Variants in AGPAT3 observed in about 807,000 individuals in gnomAD.
AGPAT3 encodes 1-acylglycerol-3-phosphate O-acyltransferase 3, also known as 1-acyl-sn-glycerol-3-phosphate acyltransferase gamma.
In AGPAT3, 5 loss-of-function variants were observed where a neutral mutation model predicts 47.3. The observed-to-expected ratio is 0.11, with a 90% CI of 0.06 to 0.22. AGPAT3 has a LOEUF of 0.22. AGPAT3 is among the 10% of genes least tolerant of loss of function. AGPAT3 has a pLI of 1.00. For missense variants in AGPAT3, 315 were observed against 493.0 expected (o/e 0.64, Z 3.42); for synonymous variants, 212 against 208.3 (o/e 1.02, Z -0.15).
intron 2 of AGPAT3, among the ~76,000 whole-genome samples, chr21:43,927,618 C>T (rs1321141203): frequency 6.6e-6 from 1 of 152,228 alleles, no homozygotes; most frequent in African/African-American, 2.4e-5. Context: ...ACCTCCTTTC[C>T]AGTGAAGATG....
chr21:43,930,672 G>A lies in AGPAT3; in HGVS notation c.-49+26653G>A, dbSNP rs921986155. Among the ~76,000 whole-genome samples, 6 of 152,142 alleles carry A rather than the reference G, an allele frequency of 3.9e-5. No homozygotes were observed. Among genetic ancestry groups the A allele is most frequent in the East Asian group, 1.9e-4 (1 of 5,182 alleles). On this transcript the variant is annotated intron_variant, in intron 2 of 9. Coordinates refer to ENST00000291572, the MANE Select transcript of AGPAT3 (RefSeq NM_020132.5). The surrounding 1 kb of genome is among the most constrained non-coding windows in gnomAD (Gnocchi z 5.0). ...GGGATGAGGGGAAGGCGGGGATGAG[G>A]TGGGGGTGCACACCTGGGCTGAGGG...
At chr21:43,949,130 C>G (rs2088055121) in intron 2 of AGPAT3, among the ~76,000 whole-genome samples, 2 of 152,016 alleles carry the variant, frequency 1.3e-5, no homozygotes, top group African/African-American at 4.8e-5. Context: ...ATCAGTATGT[C>G]TAGTTCTGGG....
intron 2 of AGPAT3, among the ~76,000 whole-genome samples, chr21:43,918,480 AG>A (rs760357572): frequency 3.9e-5 from 6 of 152,080 alleles, no homozygotes; most frequent in Non-Finnish European, 8.8e-5. Flanking sequence ...AATGGAGACA[AG>A]AGAAGAGAAG....
intron 1 of AGPAT3, among the ~76,000 whole-genome samples, chr21:43,882,327 C>T (rs1222322272): frequency 6.6e-6 from 1 of 152,260 alleles, no homozygotes. Flanking sequence ...AAATAGGTTT[C>T]GTAGATTGCA....
intron 3 of AGPAT3, 47 bp downstream of exon 3, chr21:43,959,906 G>A (rs1373558686): frequency 1.9e-6 from 3 of 1,544,696 alleles, no homozygotes; most frequent in African/African-American, 2.7e-5. Context: ...CTCCCGTGGG[G>A]GTGGCGCGCG....
At chr21:43,950,442 A>G (rs1197458358) in intron 2 of AGPAT3, among the ~76,000 whole-genome samples, 1 of 152,232 alleles carries the variant, frequency 6.6e-6, no homozygotes, top group East Asian at 1.9e-4. Context: ...CCAAGAACTG[A>G]AATTTGCCCT....
At chr21:43,877,576 G>A (rs915382535) in intron 1 of AGPAT3, among the ~76,000 whole-genome samples, 10 of 152,080 alleles carry the variant, frequency 6.6e-5, no homozygotes, top group African/African-American at 1.2e-4. Context: ...CTGAGTAGCC[G>A]GGATTACAGG....
intron 2 of AGPAT3, among the ~76,000 whole-genome samples, chr21:43,945,020 C>G (rs1216310857): frequency 2.0e-5 from 3 of 152,244 alleles, no homozygotes; most frequent in Non-Finnish European, 2.9e-5. Context: ...CGGACCCTTT[C>G]TCAGAAGCCC....
At chr21:43,949,194 T>A (rs1193533577) in intron 2 of AGPAT3, among the ~76,000 whole-genome samples, 2 of 151,794 alleles carry the variant, frequency 1.3e-5, no homozygotes, top group African/African-American at 4.8e-5. Context: ...TATTTAGGTT[T>A]ATGTATCATT....
At chr21:43,881,698 C>T (rs955229345) in intron 1 of AGPAT3, among the ~76,000 whole-genome samples, 1 of 152,160 alleles carries the variant, frequency 6.6e-6, no homozygotes, top group African/African-American at 2.4e-5. Context: ...CTCTGTCGCC[C>T]AGGCTGGAGT....
chr21:43,982,417 C>G lies in AGPAT3; in HGVS notation c.*25C>G. 5 of 1,541,328 alleles carry G rather than the reference C, an allele frequency of 3.2e-6. No homozygotes were observed. The highest frequency in any genetic ancestry group is 4.5e-6 in the Non-Finnish European group (5 of 1,114,950). Reference sequence around the variant, plus strand: ...ATTAATGGCTGTGACTGAACACACGCGGCCCTGACGGTGGTATCCAGTTAA... The same window carrying G: ...ATTAATGGCTGTGACTGAACACACGGGGCCCTGACGGTGGTATCCAGTTAA... On this transcript the variant is annotated 3_prime_UTR_variant, in exon 10 of 10. Transcript: ENST00000291572. This position sits in a 1 kb window ranked among gnomAD's most constrained non-coding sequence, Gnocchi z 6.2.
intron 1 of AGPAT3, among the ~76,000 whole-genome samples, chr21:43,899,728 G>C (rs959348782): frequency 3.3e-5 from 5 of 152,186 alleles, no homozygotes; most frequent in African/African-American, 1.2e-4. Flanking sequence ...AGGCTTCCCA[G>C]GCATCACCTC....
chr21:43,971,574 TC>T, intron 7 of AGPAT3, 84 bp downstream of exon 7: 2 of 1,333,300 alleles, frequency 1.5e-6, no homozygotes, highest in Non-Finnish European at 2.1e-6. Flanking sequence ...GGTGGCTGGG[TC>T]CAGGCCCCAC....
At chr21:43,949,212 T>C (rs1440986740) in intron 2 of AGPAT3, among the ~76,000 whole-genome samples, 1 of 152,204 alleles carries the variant, frequency 6.6e-6, no homozygotes, top group African/African-American at 2.4e-5. Flanking sequence ...ATTTACATAT[T>C]ACTATCTAAC....
chr21:43,881,931 A>G (rs761867181), intron 1 of AGPAT3, among the ~76,000 whole-genome samples: 3 of 152,264 alleles, frequency 2.0e-5, no homozygotes, highest in Non-Finnish European at 1.5e-5. Context: ...TGCTGGGATT[A>G]CAGGCGTGAG....
intron 3 of AGPAT3, among the ~76,000 whole-genome samples, chr21:43,961,498 G>GTAGA (rs2088842681): frequency 3.8e-5 from 2 of 52,394 alleles, no homozygotes; most frequent in Admixed American, 2.1e-4. Context: ...AACAGTGAAC[G>GTAGA]CGTAGACACT....
chr21:43,887,477 T>G (rs2086006400), intron 1 of AGPAT3, among the ~76,000 whole-genome samples: 1 of 152,210 alleles, frequency 6.6e-6, no homozygotes, highest in South Asian at 2.1e-4. Flanking sequence ...ATTGTGATGA[T>G]GAAGAAGGCC....
chr21:43,882,991 A>G (rs1391152660), intron 1 of AGPAT3, among the ~76,000 whole-genome samples: 2 of 152,250 alleles, frequency 1.3e-5, no homozygotes, highest in Admixed American at 6.5e-5. Flanking sequence ...ACCTCCACGC[A>G]GGCCTGGAAG....
At chr21:43,895,066 T>C (rs2086184273) in intron 1 of AGPAT3, among the ~76,000 whole-genome samples, 1 of 152,034 alleles carries the variant, frequency 6.6e-6, no homozygotes, top group Non-Finnish European at 1.5e-5. Flanking sequence ...TTTTGAGATA[T>C]ATCTTGTGTC....
Sources: gnomAD v4.1 joint callset for allele counts (sites outside exome capture counted in the v4.1 genomes callset) on GRCh38, gnomAD v4.1.1 for gene constraint, Gnocchi (gnomAD v3.1) non-coding constraint, MANE v1.5 for transcripts, NCBI Gene and HGNC (gene_info 2026-07-23, HGNC 2026-07-21) for gene names.